Variants in ATXN7 observed in about 807,000 individuals in gnomAD.
The protein encoded by ATXN7 is ataxin 7, also known as ataxin-7.
Under a neutral mutation model 70.5 loss-of-function variants are expected in ATXN7, and 12 were observed. The observed-to-expected ratio is 0.17, with a 90% CI of 0.11 to 0.28. ATXN7 has a LOEUF of 0.28. ATXN7 is among the 10% of genes least tolerant of loss of function. The pLI, the probability that ATXN7 is intolerant of heterozygous loss-of-function variation, is 1.00. For missense variants in ATXN7, 1,256 were observed against 1,131.7 expected (o/e 1.11, Z -1.58); for synonymous variants, 498 against 448.7 (o/e 1.11, Z -1.39).
At chr3:63,886,596 T>G (rs1703093366) in intron 1 of ATXN7, among the ~76,000 whole-genome samples, 1 of 152,188 alleles carries the variant, frequency 6.6e-6, no homozygotes, top group Admixed American at 6.5e-5. Context: ...CATAAGAGGT[T>G]AACAATAGGG....
At position 63,996,494 on chromosome 3, in the gene ATXN7, G is replaced by C. The variant is rs2075762176; in HGVS notation, c.2661+11G>C. On this transcript the variant is annotated intron_variant, in intron 12 of 12. Transcript: ENST00000674280. ...TCCCTCCTTCATCAGGTAGGAAATG[G>C]ACTGTGAGCCCCATGGGAATGCCCA... is the stretch of plus-strand genomic sequence containing the variant. The C allele has an allele frequency of 1.9e-6, 3 of 1,612,716 alleles. No homozygotes were observed. Among genetic ancestry groups the C allele is most frequent in the Non-Finnish European group, 2.5e-6 (3 of 1,178,992 alleles).
chr3:63,917,533 G>A (rs1310765481), intron 4 of ATXN7, among the ~76,000 whole-genome samples: 1 of 152,176 alleles, frequency 6.6e-6, no homozygotes. Context: ...GTCAACAATG[G>A]TATTGGGAAA....
At chr3:63,937,517 G>T (rs1053103299) in intron 4 of ATXN7, among the ~76,000 whole-genome samples, 20 of 152,176 alleles carry the variant, frequency 1.3e-4, no homozygotes, top group Non-Finnish European at 2.8e-4. Context: ...ATTTTAAGTA[G>T]TATTATGTGT....
intron 5 of ATXN7, among the ~76,000 whole-genome samples, chr3:63,976,481 G>C (rs2075390226): frequency 6.6e-6 from 1 of 152,102 alleles, no homozygotes; most frequent in Non-Finnish European, 1.5e-5. Flanking sequence ...GTCATTCTTA[G>C]TTTTTAAATA....
At chr3:63,981,210 G>T (rs2075481441) in intron 6 of ATXN7, among the ~76,000 whole-genome samples, 1 of 152,186 alleles carries the variant, frequency 6.6e-6, no homozygotes, top group South Asian at 2.1e-4. Flanking sequence ...CTGCTGTCAG[G>T]CTATTCCAGG....
chr3:63,890,322 G>A (rs1703218986), intron 1 of ATXN7, among the ~76,000 whole-genome samples: 1 of 152,156 alleles, frequency 6.6e-6, no homozygotes, highest in Non-Finnish European at 1.5e-5. Flanking sequence ...GAGACAGTGT[G>A]TAAAATGATA....
intron 2 of ATXN7, chr3:63,902,043 G>A (rs181015442): frequency 2.6e-5 from 4 of 152,252 alleles, no homozygotes; most frequent in South Asian, 2.1e-4. Context: ...TGATGAAAAT[G>A]TTCTGGAACT....
intron 1 of ATXN7, among the ~76,000 whole-genome samples, chr3:63,897,408 C>T (rs1703478850): frequency 1.3e-5 from 2 of 152,252 alleles, no homozygotes; most frequent in South Asian, 4.2e-4. Flanking sequence ...TAACTTAAAA[C>T]CTAATAAAGA....
rs1312849683 is a variant in ATXN7 at position 63,990,434 on chromosome 3, AG to A, written c.1560+66del. On this transcript the variant is annotated intron_variant, in intron 10 of 12. Transcript: ENST00000674280. ...CCACACAGCATGGACAGGGCACTGC[AG>A]GGGGGCGCGCCAGGGATCTTGGCAT... is the stretch of plus-strand genomic sequence containing the variant. 6 of 1,587,280 alleles carry A rather than the reference AG, an allele frequency of 3.8e-6. No individual in the cohort carries two copies. The Admixed American group carries it at 6.7e-5, about 18-fold the overall frequency.
intron 5 of ATXN7, among the ~76,000 whole-genome samples, chr3:63,965,795 G>C (rs1260165468): frequency 6.6e-6 from 1 of 152,162 alleles, no homozygotes; most frequent in African/African-American, 2.4e-5. Flanking sequence ...ATTTTATTCA[G>C]GGCATTAAGG....
chr3:63,905,908 A>C (rs546218220), intron 2 of ATXN7: 1 of 152,366 alleles, frequency 6.6e-6, no homozygotes, highest in East Asian at 1.9e-4. Context: ...AGATGATGTC[A>C]TTTAAAATCA....
intron 1 of ATXN7, among the ~76,000 whole-genome samples, chr3:63,895,270 A>G (rs1703406722): frequency 6.6e-6 from 1 of 152,216 alleles, no homozygotes; most frequent in Non-Finnish European, 1.5e-5. Flanking sequence ...AAATTGCAAC[A>G]AAGTTCTGAA....
intron 5 of ATXN7, among the ~76,000 whole-genome samples, chr3:63,962,911 T>C (rs1425380338): frequency 6.7e-6 from 1 of 150,264 alleles, no homozygotes; most frequent in Non-Finnish European, 1.5e-5. Context: ...TGTATTTCTT[T>C]TTTTTTTTTT....
At chr3:63,907,844 T>C (rs1703894486) in intron 2 of ATXN7, among the ~76,000 whole-genome samples, 1 of 152,158 alleles carries the variant, frequency 6.6e-6, no homozygotes, top group Admixed American at 6.6e-5. Flanking sequence ...CGTCATAAAA[T>C]TACAAGCCAG....
intron 8 of ATXN7, 55 bp from the exon 9 acceptor site, chr3:63,988,004 C>G (rs2075607111): frequency 6.2e-7 from 1 of 1,600,392 alleles, no homozygotes; most frequent in Admixed American, 1.7e-5. Context: ...GGATATAAGG[C>G]AGACCAAAAA....
At position 63,982,246 on chromosome 3, in the gene ATXN7, A is replaced by G. The variant is rs2075500871; in HGVS notation, c.813A>G (p.Lys271=). The change falls in exon 7 of 13, where the codon AAA becomes AAG. Residue 271 remains lysine (K), a synonymous_variant. Transcript: ENST00000674280. ...IHPKMDGTLL[K]SAVGPTCPAT... Reference sequence around the variant, plus strand: ...CGAAAATGGATGGCACACTACTGAAATCTGCGGTGGGGCCAACCTGTCCTG... The same window carrying G: ...CGAAAATGGATGGCACACTACTGAAGTCTGCGGTGGGGCCAACCTGTCCTG... 1 of 1,614,018 alleles carries G rather than the reference A, an allele frequency of 6.2e-7. No individual in the cohort carries two copies. Among genetic ancestry groups the G allele is most frequent in the Admixed American group, 1.7e-5 (1 of 59,992 alleles).
chr3:63,996,406 G>A lies in ATXN7; in HGVS notation c.2584G>A (p.Val862Met), dbSNP rs3774729. Residue 862 changes from valine to methionine, a missense_variant, in exon 12 of 13, where the codon GTG becomes ATG. Physicochemically the swap from Val to Met is conservative, Grantham distance 21. Coordinates refer to ENST00000674280, the MANE Select transcript of ATXN7 (RefSeq NM_001377405.1). The part of the protein sequence containing the change: ...KPTKVAKVPA[V>M]NNVHMKHTGT... ...CACAAAGGTTGCCAAAGTGCCAGCC[G>A]TGAACAATGTCCACATGAAACACAC... is the stretch of plus-strand genomic sequence containing the variant. 0.33 allele frequency: 531,290 copies of A among 1,613,796 alleles called. 91,264 individuals are homozygous for A. Among genetic ancestry groups the A allele is most frequent in the African/African-American group, 0.58 (43,608 of 74,884 alleles).
chr3:63,931,510 C>G (rs370197429), intron 4 of ATXN7, among the ~76,000 whole-genome samples: 10 of 152,200 alleles, frequency 6.6e-5, no homozygotes, highest in East Asian at 3.9e-4. Flanking sequence ...GGGACTTTCT[C>G]TTGCTACAGA....
chr3:63,963,560 G>A lies in ATXN7; in HGVS notation c.499+11077G>A, dbSNP rs188141476. 1.6e-3 allele frequency among the ~76,000 whole-genome samples: 246 copies of A among 152,192 alleles called. 2 individuals are homozygous for A. In the Middle Eastern group the frequency reaches 0.017, roughly 11 times the overall value. ...ACTCTATCCAGGCACATAGAATCAC[G>A]TATTTTATTAGTAGGGGCTTTTGGT... On this transcript the variant is annotated intron_variant, in intron 5 of 12. Transcript: ENST00000674280.
Sources: allele counts gnomAD v4.1 joint callset (sites outside exome capture counted in the v4.1 genomes callset), GRCh38; gene constraint gnomAD v4.1.1; transcripts MANE v1.5; gene names NCBI Gene and HGNC (gene_info 2026-07-23, HGNC 2026-07-21).